IGF2BP3: variants seen among roughly 807,000 people sequenced by gnomAD.
IGF2BP3 encodes insulin-like growth factor 2 mRNA-binding protein 3.
Under a neutral mutation model 73.8 loss-of-function variants are expected in IGF2BP3, and 9 were observed. The observed-to-expected ratio is 0.12, with a 90% CI of 0.07 to 0.21. The LOEUF is 0.21. Ranked by LOEUF, IGF2BP3 falls within the 10% of genes least tolerant of loss-of-function variation. The pLI is 1.00. For synonymous variants in IGF2BP3, 258 were observed against 256.7 expected (o/e 1.01, Z -0.05); for missense variants, 542 against 714.0 (o/e 0.76, Z 2.75).
intron 8 of IGF2BP3, 42 bp downstream of exon 8, chr7:23,345,898 G>A: frequency 1.2e-6 from 2 of 1,600,060 alleles, no homozygotes; most frequent in Non-Finnish European, 1.7e-6. Context: ...GCAGCTTACA[G>A]TGTTGGAAAG....
intron 5 of IGF2BP3, among the ~76,000 whole-genome samples, chr7:23,353,073 A>G (rs1295467041): frequency 2.6e-5 from 4 of 152,202 alleles, no homozygotes; most frequent in African/African-American, 9.7e-5. Context: ...GTGCACAACA[A>G]AATGAAAAAC....
In IGF2BP3 at chr7:23,407,582, T is replaced by G. The variant is rs959420469; in HGVS notation, c.285+11194A>C. 2.2e-5 allele frequency among the ~76,000 whole-genome samples: 3 copies of G among 135,096 alleles called. No individual in the cohort carries two copies. The Admixed American group carries it at 2.5e-4, about 11-fold the overall frequency. 88.6% of individuals were successfully genotyped at this position (135,096 alleles called of 152,430 possible). A position where few individuals can be genotyped will look rare whatever the true frequency, so the allele number is the denominator to read the frequency against. ...AAGATTGGGCCATCGCACTCCGGCCTGGGCAACAAAAGCAAAACTCTGTCT... is the reference window on the plus strand; with the variant it reads ...AAGATTGGGCCATCGCACTCCGGCCGGGGCAACAAAAGCAAAACTCTGTCT... On this transcript the variant is annotated intron_variant, in intron 3 of 14. Coordinates refer to ENST00000258729, the MANE Select transcript of IGF2BP3 (RefSeq NM_006547.3).
At chr7:23,332,058 A>G (rs1461928993) in intron 10 of IGF2BP3, among the ~76,000 whole-genome samples, 1 of 152,056 alleles carries the variant, frequency 6.6e-6, no homozygotes, top group Non-Finnish European at 1.5e-5. Flanking sequence ...ACTCACTATC[A>G]CAAGAACAGC....
At chr7:23,320,795 A>AAAAT (rs1181844044) in intron 10 of IGF2BP3, among the ~76,000 whole-genome samples, 2 of 151,736 alleles carry the variant, frequency 1.3e-5, no homozygotes, top group African/African-American at 4.8e-5. Context: ...AAAAATTACA[A>AAAAT]AAATTAGCCA....
At position 23,418,794 on chromosome 7, in the gene IGF2BP3, C is replaced by T. The variant is rs753417877; in HGVS notation, c.267G>A (p.Pro89=). The T allele has an allele frequency of 1.9e-6, 3 of 1,581,774 alleles. No homozygotes were observed. The highest frequency in any genetic ancestry group is 1.1e-5 in the South Asian group (1 of 87,138). Reference sequence around the variant, plus strand: ...TTCTTACCTCCCACTGTAAATGAGGCGGGATATTTCGTATCTGAAGTTTCC... The same window carrying T: ...TTCTTACCTCCCACTGTAAATGAGGTGGGATATTTCGTATCTGAAGTTTCC... ...RIRKLQIRNI[P]PHLQWEVLDS... is the part of the protein sequence containing the mutation. Residue 89 remains proline (P), a synonymous_variant, in exon 3 of 15, where the codon CCG becomes CCA. Transcript: ENST00000258729.
At chr7:23,419,393 C>T (rs1787281604) in intron 2 of IGF2BP3, among the ~76,000 whole-genome samples, 2 of 152,214 alleles carry the variant, frequency 1.3e-5, no homozygotes, top group Admixed American at 1.3e-4. Context: ...CCACATTAGA[C>T]TGTTGGAGAT....
chr7:23,380,630 C>T (rs1280320325), intron 3 of IGF2BP3, among the ~76,000 whole-genome samples: 1 of 152,242 alleles, frequency 6.6e-6, no homozygotes, highest in Admixed American at 6.5e-5. Flanking sequence ...CTGATCACCC[C>T]AGTCTTGGTT....
At chr7:23,460,178 CAA>C (rs757381858) in intron 2 of IGF2BP3, among the ~76,000 whole-genome samples, 5 of 55,174 alleles carry the variant, frequency 9.1e-5, no homozygotes, top group Admixed American at 2.2e-4. Flanking sequence ...GACCCTGCCT[CAA>C]AAAAAAAAAA....
intron 3 of IGF2BP3, among the ~76,000 whole-genome samples, chr7:23,397,355 A>C (rs1786509176): frequency 6.6e-6 from 1 of 152,236 alleles, no homozygotes; most frequent in Non-Finnish European, 1.5e-5. Flanking sequence ...GGAGGGTGAC[A>C]GAATGGCCTA....
chr7:23,408,214 T>C (rs947847113), intron 3 of IGF2BP3, among the ~76,000 whole-genome samples: 1 of 149,898 alleles, frequency 6.7e-6, no homozygotes, highest in African/African-American at 2.5e-5. Context: ...TCAACTCTCA[T>C]TGGAGGTCCT....
intron 2 of IGF2BP3, among the ~76,000 whole-genome samples, chr7:23,432,418 G>A (rs1787706569): frequency 6.6e-6 from 1 of 152,260 alleles, no homozygotes; most frequent in South Asian, 2.1e-4. Flanking sequence ...CTGTTCGAAA[G>A]ACAATTGATA....
chr7:23,373,827 C>A (rs919949654), intron 3 of IGF2BP3, among the ~76,000 whole-genome samples: 1 of 152,166 alleles, frequency 6.6e-6, no homozygotes, highest in African/African-American at 2.4e-5. Context: ...TGGCTTGGTG[C>A]CATCCTTGAG....
At chr7:23,359,213 T>C (rs1026783023) in intron 5 of IGF2BP3, among the ~76,000 whole-genome samples, 1 of 152,348 alleles carries the variant, frequency 6.6e-6, no homozygotes, top group Non-Finnish European at 1.5e-5. Flanking sequence ...GCAATAATTC[T>C]GCCTTGACTA....
intron 3 of IGF2BP3, among the ~76,000 whole-genome samples, chr7:23,397,290 C>G (rs1786507278): frequency 6.6e-6 from 1 of 152,212 alleles, no homozygotes; most frequent in African/African-American, 2.4e-5. Context: ...TTCAAAAAGG[C>G]TTCTAAGAAG....
Position 23,449,999 on chromosome 7 carries a change from C to T in IGF2BP3, c.236+18483G>A, listed in dbSNP as rs200372196. Reference sequence around the variant, plus strand: ...CCTAATAACACTAAGATGTTATTTGCCTTTTCTGCTGTGTTGTATTTGCAC... The same window carrying T: ...CCTAATAACACTAAGATGTTATTTGTCTTTTCTGCTGTGTTGTATTTGCAC... On this transcript the variant is annotated intron_variant, in intron 2 of 14. Coordinates refer to ENST00000258729, the MANE Select transcript of IGF2BP3 (RefSeq NM_006547.3). Among the ~76,000 whole-genome samples, 93 of 152,290 alleles carry T rather than the reference C, an allele frequency of 6.1e-4. 1 individual carries two copies. Among genetic ancestry groups the T allele is most frequent in the East Asian group, 2.3e-3 (12 of 5,188 alleles).
intron 5 of IGF2BP3, among the ~76,000 whole-genome samples, chr7:23,354,795 G>A (rs1311373882): frequency 2.0e-5 from 3 of 152,208 alleles, no homozygotes; most frequent in Non-Finnish European, 2.9e-5. Context: ...AACTCAGGCT[G>A]TTCCAGGCAG....
rs1783858016 is a variant in IGF2BP3 at position 23,312,426 on chromosome 7, T to C, written c.1676A>G (p.Gln559Arg). 1.2e-6 allele frequency: 2 copies of C among 1,613,822 alleles called. No homozygotes were observed. The highest frequency in any genetic ancestry group is 2.7e-5 in the African/African-American group (2 of 74,916). Residue 559 changes from glutamine to arginine, a missense_variant, in exon 15 of 15, where the codon CAG (glutamine) becomes CGG (arginine). Gln to Arg is a conservative substitution (Grantham distance 43, BLOSUM62 1). This residue lies in a region of IGF2BP3 where 303 missense variants were observed against 472.1 expected (regional missense o/e 0.64). Transcript: ENST00000258729. ...AQRKIQEILT[Q>R]VKQHQQQKAL... ...CTTCTGTTGTTGGTGCTGCTTTACC[T>C]GAGTCAGAATTTCCTGAATTTTTCT...
At chr7:23,314,403 C>G (rs1783918180) in intron 12 of IGF2BP3, among the ~76,000 whole-genome samples, 1 of 151,594 alleles carries the variant, frequency 6.6e-6, no homozygotes, top group Non-Finnish European at 1.5e-5. Context: ...TCAGGCTGGT[C>G]TCGAACTCCT....
At chr7:23,386,463 G>C (rs567756468) in intron 3 of IGF2BP3, among the ~76,000 whole-genome samples, 22 of 152,298 alleles carry the variant, frequency 1.4e-4, no homozygotes, top group African/African-American at 5.1e-4. Context: ...AACACACAAT[G>C]ATGGAGTGAC....
Sources: gnomAD v4.1 joint callset for allele counts (sites outside exome capture counted in the v4.1 genomes callset) on GRCh38, gnomAD v4.1.1 for gene constraint, gnomAD v4.1.1 regional missense constraint, MANE v1.5 for transcripts, NCBI Gene and HGNC (gene_info 2026-07-23, HGNC 2026-07-21) for gene names.